ACSS3: variants seen among roughly 807,000 people sequenced by gnomAD.
ACSS3 encodes the protein acyl-CoA synthetase short chain family member 3, also known as acyl-CoA synthetase short-chain family member 3, mitochondrial.
In ACSS3, 64 loss-of-function variants were observed where a neutral mutation model predicts 84.2. That is an observed-to-expected ratio of 0.76 (90% CI 0.62 to 0.94). The LOEUF (loss-of-function observed/expected upper bound fraction) is 0.94, where lower values mean the gene tolerates loss of function less well. ACSS3 is among the 40% of genes least tolerant of loss of function. The pLI is 0.00. For synonymous variants in ACSS3, 317 were observed against 310.1 expected, an observed-to-expected ratio of 1.02 and a Z score of -0.23; for missense variants, 815 against 867.6, an observed-to-expected ratio of 0.94 and a Z score of 0.76.
At chr12:81,150,436 T>C (rs1355099169) in intron 5 of ACSS3, among the ~76,000 whole-genome samples, 1 of 152,164 alleles carries the variant, frequency 6.6e-6, no homozygotes, top group African/African-American at 2.4e-5. Context: ...ATCTTCTCAA[T>C]AGAACAAACT....
At chr12:81,092,704 C>T (rs1301148345) in intron 1 of ACSS3, among the ~76,000 whole-genome samples, 2 of 152,050 alleles carry the variant, frequency 1.3e-5, no homozygotes, top group Non-Finnish European at 1.5e-5. Context: ...TTCTTAGCAC[C>T]AGCTAGATAA....
intron 10 of ACSS3, 41 bp from the exon 11 acceptor site, chr12:81,219,972 A>G (rs542143123): frequency 3.6e-5 from 47 of 1,314,822 alleles, no homozygotes; most frequent in Non-Finnish European, 4.6e-5. Flanking sequence ...AAGCTTTAAG[A>G]TTATGAATTT....
chr12:81,125,293 C>A (rs1885006221), intron 2 of ACSS3, among the ~76,000 whole-genome samples: 2 of 152,204 alleles, frequency 1.3e-5, no homozygotes, highest in Non-Finnish European at 2.9e-5. Context: ...TTTTCATTCA[C>A]TGATTAACTT....
At chr12:81,119,163 C>G (rs990623764) in intron 2 of ACSS3, among the ~76,000 whole-genome samples, 1 of 152,004 alleles carries the variant, frequency 6.6e-6, no homozygotes, top group African/African-American at 2.4e-5. Flanking sequence ...CAGGTTTTTA[C>G]TGAGGATTTC....
intron 1 of ACSS3, among the ~76,000 whole-genome samples, chr12:81,087,335 A>G (rs1390203589): frequency 6.6e-6 from 1 of 152,110 alleles, no homozygotes. Flanking sequence ...TCAAGGTGTC[A>G]TTGCTAAGTG....
intron 9 of ACSS3, among the ~76,000 whole-genome samples, chr12:81,209,669 G>GA (rs1036297180): frequency 3.3e-5 from 5 of 152,004 alleles, no homozygotes; most frequent in African/African-American, 1.2e-4. Flanking sequence ...GAAAGTAAAG[G>GA]AAAAAAAGAG....
chr12:81,254,961 C>A lies in ACSS3; in HGVS notation c.*39C>A. 1.4e-6 allele frequency: 2 copies of A among 1,450,128 alleles called. No homozygotes were observed. Among genetic ancestry groups the A allele is most frequent in the Non-Finnish European group, 9.4e-7 (1 of 1,068,006 alleles). The allele number at this position is 1,450,128 out of a possible 1,614,324, so 89.8% of individuals were successfully genotyped here. On this transcript the variant is annotated 3_prime_UTR_variant, in exon 16 of 16. Transcript: ENST00000548058. ...TTCCTATTTTGAGTTGATTTAATTT[C>A]TTAATTGAAATTAAATTATTTGAGT...
intron 1 of ACSS3, among the ~76,000 whole-genome samples, chr12:81,099,704 A>C (rs914272018): frequency 1.3e-4 from 19 of 151,490 alleles, no homozygotes; most frequent in Admixed American, 1.1e-3. Context: ...GCTATCATTC[A>C]CTCTGAAAGA....
intron 13 of ACSS3, among the ~76,000 whole-genome samples, chr12:81,242,899 A>G (rs1307729117): frequency 6.6e-6 from 1 of 152,192 alleles, no homozygotes; most frequent in African/African-American, 2.4e-5. Flanking sequence ...CACAGCCAAT[A>G]TAATACTGAA....
chr12:81,197,374 A>C (rs773575102), intron 8 of ACSS3, among the ~76,000 whole-genome samples: 2 of 152,180 alleles, frequency 1.3e-5, no homozygotes, highest in Admixed American at 6.6e-5. Context: ...ATTATCTATA[A>C]AAGTTGGGGA....
intron 8 of ACSS3, among the ~76,000 whole-genome samples, chr12:81,197,669 T>C (rs2031900455): frequency 6.6e-6 from 1 of 152,188 alleles, no homozygotes; most frequent in South Asian, 2.1e-4. Flanking sequence ...ATAAACACTA[T>C]CATCCTTCAG....
chr12:81,238,990 T>A (rs189264570), intron 13 of ACSS3, among the ~76,000 whole-genome samples: 2 of 151,978 alleles, frequency 1.3e-5, no homozygotes, highest in African/African-American at 4.8e-5. Flanking sequence ...ATATGTGAAT[T>A]CAGTGCTATA....
intron 13 of ACSS3, among the ~76,000 whole-genome samples, chr12:81,239,138 A>G (rs1216598221): frequency 6.6e-6 from 1 of 151,894 alleles, no homozygotes; most frequent in Non-Finnish European, 1.5e-5. Flanking sequence ...TGTGTTGTTT[A>G]ATCTCCAATA....
intron 1 of ACSS3, among the ~76,000 whole-genome samples, chr12:81,107,516 A>ATG (rs1883146954): frequency 3.1e-5 from 1 of 31,904 alleles, no homozygotes; most frequent in South Asian, 8.8e-4. Flanking sequence ...ATATACATAT[A>ATG]TATATATATA....
intron 3 of ACSS3, among the ~76,000 whole-genome samples, chr12:81,137,449 G>C (rs983820566): frequency 1.3e-5 from 2 of 151,888 alleles, no homozygotes; most frequent in African/African-American, 4.8e-5. Flanking sequence ...AAGGAGAGAA[G>C]ATGGAGATAT....
In ACSS3 at chr12:81,248,228, T is replaced by C. The variant is rs576833662; in HGVS notation, c.1720-5079T>C. ...GGTATTTATCCAAAGGAAAATAAAT[T>C]AGTATGTCAAAGGGCTACATTTACC... is the stretch of plus-strand genomic sequence containing the variant. On this transcript the variant is annotated intron_variant, in intron 13 of 15. Coordinates refer to ENST00000548058, the MANE Select transcript of ACSS3 (RefSeq NM_024560.4). 9.3e-4 allele frequency among the ~76,000 whole-genome samples: 142 copies of C among 152,136 alleles called. 1 individual carries two copies. The highest frequency in any genetic ancestry group is 3.2e-3 in the African/African-American group (135 of 41,546).
In ACSS3 at chr12:81,256,094, T is replaced by G. The variant is rs757339433; in HGVS notation, c.*1172T>G. 2.6e-5 allele frequency: 4 copies of G among 152,106 alleles called. No individual in the cohort carries two copies. Among genetic ancestry groups the G allele is most frequent in the South Asian group, 2.1e-4 (1 of 4,832 alleles). The allele number at this position is 152,106 out of a possible 1,614,324, so 9.4% of individuals were successfully genotyped here. A position where few individuals can be genotyped will look rare whatever the true frequency, so the allele number is the denominator to read the frequency against. ...TGTCTAGGTGATTTTGAAGTGAACTTAAGCCACTAGGTTTGAGGGACAAAG... is the reference window on the plus strand; with the variant it reads ...TGTCTAGGTGATTTTGAAGTGAACTGAAGCCACTAGGTTTGAGGGACAAAG... On this transcript the variant is annotated 3_prime_UTR_variant, in exon 16 of 16. Transcript: ENST00000548058.
At position 81,255,750 on chromosome 12, in the gene ACSS3, T is replaced by TC. The variant is rs986286520; in HGVS notation, c.*833dup. ...AGGCAGAGGTTGCAGTGAGCCAAGT[T>TC]CCCCCACTGTACTCCAGCCTGGGTG... On this transcript the variant is annotated 3_prime_UTR_variant, in exon 16 of 16. Coordinates refer to ENST00000548058, the MANE Select transcript of ACSS3 (RefSeq NM_024560.4). The TC allele has an allele frequency of 6.6e-6, 1 of 152,094 alleles. No individual in the cohort carries two copies. The highest frequency in any genetic ancestry group is 1.9e-4 in the East Asian group (1 of 5,162). 9.4% of individuals were successfully genotyped at this position (152,094 alleles called of 1,614,324 possible).
At position 81,144,903 on chromosome 12, in the gene ACSS3, C is replaced by CTTT. The variant is rs1292727483; in HGVS notation, c.921+1671_921+1673dup. 2.9e-3 allele frequency among the ~76,000 whole-genome samples: 339 copies of CTTT among 116,932 alleles called. 22 individuals carry two copies. The highest frequency in any genetic ancestry group is 0.021 in the East Asian group (84 of 4,076). The allele number at this position is 116,932 out of a possible 152,430, so 76.7% of individuals were successfully genotyped here. A position where few individuals can be genotyped will look rare whatever the true frequency, so the allele number is the denominator to read the frequency against. On this transcript the variant is annotated intron_variant, in intron 5 of 15. Coordinates refer to ENST00000548058, the MANE Select transcript of ACSS3 (RefSeq NM_024560.4). ...TTCCAGGTTTTCTTTTTTTTCTTTT[C>CTTT]TTTTTTTTTTTTTTTTTGAGACAGT...
Sources: gnomAD v4.1 joint callset for allele counts (sites outside exome capture counted in the v4.1 genomes callset) on GRCh38, gnomAD v4.1.1 for gene constraint, MANE v1.5 for transcripts, NCBI Gene and HGNC (gene_info 2026-07-23, HGNC 2026-07-21) for gene names.